The following CFAP91 variants were observed in gnomAD, a reference collection of about 807,000 sequenced individuals.
CFAP91 encodes the protein cilia- and flagella-associated protein 91.
CFAP91 carries 85 observed loss-of-function variants against 95.9 expected under a neutral mutation model. That is an observed-to-expected ratio of 0.89 (90% CI 0.74 to 1.06). The LOEUF is 1.06. Ranked by LOEUF, CFAP91 falls within the 50% of genes least tolerant of loss-of-function variation. The pLI is 0.00. For missense variants in CFAP91, 962 were observed against 943.4 expected (o/e 1.02, Z -0.26); for synonymous variants, 335 against 327.5 (o/e 1.02, Z -0.25).
intron 5 of CFAP91, among the ~76,000 whole-genome samples, chr3:119,714,189 C>T (rs1259556574): frequency 1.3e-5 from 2 of 151,502 alleles, no homozygotes; most frequent in African/African-American, 2.4e-5. Context: ...GGCGAAACCC[C>T]GTCTCTACTA....
chr3:119,726,404 A>T lies in CFAP91; in HGVS notation c.860+56A>T, dbSNP rs2053785227. 1.5e-5 allele frequency: 22 copies of T among 1,457,448 alleles called. No homozygotes were observed. The South Asian group carries it at 2.6e-4, about 17-fold the overall frequency. 90.3% of individuals were successfully genotyped at this position (1,457,448 alleles called of 1,614,324 possible). Reference sequence around the variant, plus strand: ...CTGCACTGGTGGGAATAATGTTAATACTTTATATCTGCAAAGCATTCTCCC... The same window carrying T: ...CTGCACTGGTGGGAATAATGTTAATTCTTTATATCTGCAAAGCATTCTCCC... On this transcript the variant is annotated intron_variant, in intron 7 of 17. Coordinates refer to ENST00000273390, the MANE Select transcript of CFAP91 (RefSeq NM_033364.4).
At chr3:119,740,330 G>C (rs749218920) in intron 12 of CFAP91, among the ~76,000 whole-genome samples, 1 of 152,226 alleles carries the variant, frequency 6.6e-6, no homozygotes, top group Non-Finnish European at 1.5e-5. Context: ...ATTAAGCACA[G>C]CTCACTGAAA....
chr3:119,753,818 T>C (rs1257825163), intron 17 of CFAP91, among the ~76,000 whole-genome samples: 1 of 152,160 alleles, frequency 6.6e-6, no homozygotes, highest in East Asian at 1.9e-4. Context: ...CCCTTCCCAC[T>C]CTTCCCCCCA....
Position 119,715,580 on chromosome 3 carries a change from T to G in CFAP91, c.519T>G (p.Phe173Leu), listed in dbSNP as rs1027064201. ...CTTTTAGGGCAGAACCATACACTTT[T>G]CCTCCTACTTCTACTAAGCACCTAT... ...YAVSKAEPYT[F>L]PPTSTKHLSI... is the part of the protein sequence containing the mutation. The change falls in exon 6 of 18, where the codon TTT becomes TTG. Residue 173 changes from phenylalanine to leucine, a missense_variant. Coordinates refer to ENST00000273390, the MANE Select transcript of CFAP91 (RefSeq NM_033364.4). 1.2e-6 allele frequency: 2 copies of G among 1,614,088 alleles called. No homozygotes were observed. The highest frequency in any genetic ancestry group is 1.7e-4 in the Middle Eastern group (1 of 6,046).
chr3:119,759,290 T>C (rs898706892), intron 17 of CFAP91, among the ~76,000 whole-genome samples: 1 of 151,860 alleles, frequency 6.6e-6, no homozygotes, highest in Non-Finnish European at 1.5e-5. Context: ...ACTTAGAAAG[T>C]TAAGGTGTAA....
At chr3:119,732,147 T>C in intron 8 of CFAP91, 147 bp from the exon 9 acceptor site, 1 of 577,820 alleles carries the variant, frequency 1.7e-6, no homozygotes, top group Non-Finnish European at 2.9e-6. Flanking sequence ...CTGTTTTTAA[T>C]GTTACATTCT....
chr3:119,714,837 C>T (rs1387721548), intron 5 of CFAP91, among the ~76,000 whole-genome samples: 2 of 152,190 alleles, frequency 1.3e-5, no homozygotes, highest in Non-Finnish European at 2.9e-5. Context: ...TATTGATCAT[C>T]TCCTTTTATG....
intron 6 of CFAP91, among the ~76,000 whole-genome samples, chr3:119,724,409 G>A (rs536742217): frequency 6.6e-6 from 1 of 152,042 alleles, no homozygotes; most frequent in Admixed American, 6.6e-5. Flanking sequence ...AAAATGTGAA[G>A]TATATATGAC....
chr3:119,706,569 C>T, intron 1 of CFAP91: 1 of 459,878 alleles, frequency 2.2e-6, no homozygotes, highest in Admixed American at 3.6e-5. Flanking sequence ...TTATGAATTC[C>T]ACTTCCGTAA....
At chr3:119,745,320 A>G (rs2107906003) in intron 14 of CFAP91, among the ~76,000 whole-genome samples, 1 of 152,348 alleles carries the variant, frequency 6.6e-6, no homozygotes, top group African/African-American at 2.4e-5. Flanking sequence ...TATTTAATAA[A>G]TTTCCAAAAT....
intron 5 of CFAP91, among the ~76,000 whole-genome samples, chr3:119,713,803 T>C (rs762419242): frequency 2.0e-4 from 31 of 152,118 alleles, no homozygotes; most frequent in Non-Finnish European, 1.8e-4. Context: ...CTACTATACA[T>C]ACCATTTAAT....
intron 16 of CFAP91, among the ~76,000 whole-genome samples, chr3:119,749,682 T>C (rs529986634): frequency 3.0e-4 from 46 of 152,140 alleles, no homozygotes; most frequent in Non-Finnish European, 5.9e-4. Flanking sequence ...TTTTGCCAAA[T>C]CAAAAAAGCC....
rs778597015 is a variant in CFAP91 at position 119,716,064 on chromosome 3, A to G, written c.682+321A>G. The G allele has an allele frequency of 3.5e-4, 179 of 512,242 alleles. 1 individual carries two copies. The highest frequency in any genetic ancestry group is 5.6e-4 in the Non-Finnish European group (164 of 291,026). The allele number at this position is 512,242 out of a possible 1,614,324, so 31.7% of individuals were successfully genotyped here. On this transcript the variant is annotated intron_variant, in intron 6 of 17. Transcript: ENST00000273390. Reference sequence around the variant, plus strand: ...CACTTCCTTTTCATTGAGCAATCATACTTCTTTAAACATAAGCTTTGAGTG... The same window carrying G: ...CACTTCCTTTTCATTGAGCAATCATGCTTCTTTAAACATAAGCTTTGAGTG...
chr3:119,730,082 TA>T, intron 7 of CFAP91, 137 bp from the exon 8 acceptor site: 1 of 808,552 alleles, frequency 1.2e-6, no homozygotes. Flanking sequence ...TCATCTGTCA[TA>T]CTTTTGCCAG....
At chr3:119,734,810 C>T (rs901855183) in intron 10 of CFAP91, among the ~76,000 whole-genome samples, 2 of 151,980 alleles carry the variant, frequency 1.3e-5, no homozygotes, top group East Asian at 3.8e-4. Flanking sequence ...GAGAATATTC[C>T]TTCCTTTTTC....
At chr3:119,714,803 G>C (rs2053543846) in intron 5 of CFAP91, among the ~76,000 whole-genome samples, 1 of 152,164 alleles carries the variant, frequency 6.6e-6, no homozygotes, top group Non-Finnish European at 1.5e-5. Flanking sequence ...TTGAGGCATA[G>C]AAGTTGAAAC....
intron 11 of CFAP91, among the ~76,000 whole-genome samples, chr3:119,738,660 C>T (rs991429173): frequency 7.2e-5 from 11 of 152,032 alleles, no homozygotes; most frequent in African/African-American, 2.2e-4. Context: ...GACAACACAT[C>T]GTCTTTCATG....
intron 5 of CFAP91, 58 bp from the exon 6 acceptor site, chr3:119,715,504 A>G (rs2053556696): frequency 6.6e-6 from 9 of 1,366,620 alleles, no homozygotes; most frequent in Middle Eastern, 1.8e-4. Flanking sequence ...ACTTGATTAT[A>G]TAATATTTTA....
intron 2 of CFAP91, chr3:119,707,090 C>A: frequency 1.8e-6 from 1 of 554,410 alleles, no homozygotes; most frequent in Non-Finnish European, 3.2e-6. Flanking sequence ...GAACAGAGAA[C>A]CCATAAGCTA....
Sources: allele counts gnomAD v4.1 joint callset (sites outside exome capture counted in the v4.1 genomes callset), GRCh38; gene constraint gnomAD v4.1.1; transcripts MANE v1.5; gene names NCBI Gene and HGNC (gene_info 2026-07-23, HGNC 2026-07-21).